SEZ6L: variants seen among roughly 807,000 people sequenced by gnomAD.
SEZ6L encodes the protein seizure 6-like protein.
SEZ6L carries 37 observed loss-of-function variants against 106.2 expected under a neutral mutation model. The ratio of observed to expected loss-of-function variants is 0.35; its 90% CI spans 0.27 to 0.46. The LOEUF is 0.46. SEZ6L is among the 20% of genes least tolerant of loss of function. SEZ6L has a pLI of 1.00. For synonymous variants in SEZ6L, 541 were observed against 570.4 expected, an observed-to-expected ratio of 0.95 and a Z score of 0.73; for missense variants, 1,172 against 1,332.8, an observed-to-expected ratio of 0.88 and a Z score of 1.88.
At position 26,329,511 on chromosome 22, in the gene SEZ6L, A is replaced by C. The variant is rs139464672; in HGVS notation, c.2016-10925A>C. 5.6e-3 allele frequency among the ~76,000 whole-genome samples: 851 copies of C among 152,334 alleles called. 4 individuals carry two copies. The highest frequency in any genetic ancestry group is 0.02 in the African/African-American group (821 of 41,568). The stretch of plus-strand genomic sequence containing the variant: ...AAACTCATCATTTTTGTGTGTTTTA[A>C]GGTGTCCTATTAGGGAGCCAAAGAT... On this transcript the variant is annotated intron_variant, in intron 9 of 16. Coordinates refer to ENST00000248933, the MANE Select transcript of SEZ6L (RefSeq NM_021115.5).
At chr22:26,288,505 A>G (rs533327460) in intron 1 of SEZ6L, among the ~76,000 whole-genome samples, 1 of 152,328 alleles carries the variant, frequency 6.6e-6, no homozygotes, top group South Asian at 2.1e-4. Context: ...AGTGACATCA[A>G]TACCCCATAT....
At chr22:26,286,350 G>T (rs1039114898) in intron 1 of SEZ6L, among the ~76,000 whole-genome samples, 8 of 152,072 alleles carry the variant, frequency 5.3e-5, no homozygotes, top group Non-Finnish European at 1.2e-4. Flanking sequence ...AAATCAGCTC[G>T]TTCTGTAAAT....
chr22:26,208,860 G>C (rs886857965), intron 1 of SEZ6L, among the ~76,000 whole-genome samples: 1,725 of 98,532 alleles, frequency 0.018, 42 homozygotes, highest in African/African-American at 0.063. Flanking sequence ...CTGTGTGTGT[G>C]TGTGTGTGTG....
intron 6 of SEZ6L, among the ~76,000 whole-genome samples, chr22:26,308,464 T>G (rs2081709042): frequency 6.6e-6 from 1 of 152,112 alleles, no homozygotes; most frequent in African/African-American, 2.4e-5. Flanking sequence ...TAAAAGTCTT[T>G]TTAGTCGAGG....
At chr22:26,224,554 G>A (rs1420692502) in intron 1 of SEZ6L, among the ~76,000 whole-genome samples, 3 of 152,184 alleles carry the variant, frequency 2.0e-5, no homozygotes, top group African/African-American at 4.8e-5. Context: ...ACTCACTCTG[G>A]CCACTAGACT....
At chr22:26,296,077 G>A (rs144454030) in intron 3 of SEZ6L, among the ~76,000 whole-genome samples, 43 of 152,316 alleles carry the variant, frequency 2.8e-4, no homozygotes, top group Non-Finnish European at 4.3e-4. Flanking sequence ...TCATAAAAGC[G>A]TAAGTCTTCA....
chr22:26,230,407 G>T (rs549151258), intron 1 of SEZ6L, among the ~76,000 whole-genome samples: 2 of 152,072 alleles, frequency 1.3e-5, no homozygotes, highest in African/African-American at 4.8e-5. Flanking sequence ...TGGTCAGGTC[G>T]CTCAGTCATT....
At chr22:26,354,406 C>A (rs904400658) in intron 12 of SEZ6L, among the ~76,000 whole-genome samples, 5 of 152,180 alleles carry the variant, frequency 3.3e-5, no homozygotes, top group Non-Finnish European at 7.3e-5. Flanking sequence ...CAACCGCCCA[C>A]AGCATTCAGA....
rs144005768 is a variant in SEZ6L at position 26,222,094 on chromosome 22, G to A, written c.94+52331G>A. Among the ~76,000 whole-genome samples, 12 of 152,260 alleles carry A rather than the reference G, an allele frequency of 7.9e-5. No individual in the cohort carries two copies. In the East Asian group the frequency reaches 1.9e-3, roughly 25 times the overall value. ...ATAATCGCCTGGGGTGGCAGTGGGT[G>A]GCTGTTTAGAAATGACGATTTCTGG... is the stretch of plus-strand genomic sequence containing the variant. On this transcript the variant is annotated intron_variant, in intron 1 of 16. Transcript: ENST00000248933.
chr22:26,350,857 C>T (rs2083253765), intron 11 of SEZ6L, among the ~76,000 whole-genome samples, 195 bp from the exon 12 acceptor site: 1 of 151,982 alleles, frequency 6.6e-6, no homozygotes, highest in Non-Finnish European at 1.5e-5. Flanking sequence ...GGGGTTTCAC[C>T]ATGTTAGCCA....
At chr22:26,294,215 C>G in intron 2 of SEZ6L, 77 bp from the exon 3 acceptor site, 1 of 1,477,036 alleles carries the variant, frequency 6.8e-7, no homozygotes, top group Non-Finnish European at 9.3e-7. Context: ...CCTAAAGCCC[C>G]CATTCCACCC....
At chr22:26,297,503 T>C (rs781561032) in intron 4 of SEZ6L, among the ~76,000 whole-genome samples, 1 of 152,194 alleles carries the variant, frequency 6.6e-6, no homozygotes, top group African/African-American at 2.4e-5. Flanking sequence ...GCCAGGAAAA[T>C]AGCACAGCTA....
At chr22:26,279,475 T>TG (rs1569440298) in intron 1 of SEZ6L, among the ~76,000 whole-genome samples, 1 of 152,204 alleles carries the variant, frequency 6.6e-6, no homozygotes, top group Non-Finnish European at 1.5e-5. Context: ...CTGCCTTTCC[T>TG]GTCTCACTGC....
chr22:26,210,195 TACCAC>T (rs2078117560), intron 1 of SEZ6L, among the ~76,000 whole-genome samples: 3 of 152,110 alleles, frequency 2.0e-5, no homozygotes, highest in Admixed American at 1.3e-4. Context: ...CCAGTGCACA[TACCAC>T]ATCTTCACAT....
intron 9 of SEZ6L, among the ~76,000 whole-genome samples, chr22:26,316,099 T>TC (rs1347879954): frequency 2.0e-5 from 3 of 152,066 alleles, no homozygotes; most frequent in Admixed American, 2.0e-4. Context: ...CTCATCCTCT[T>TC]CCCCCCATTC....
chr22:26,351,160 T>C lies in SEZ6L; in HGVS notation c.2516T>C (p.Val839Ala). The C allele has an allele frequency of 6.2e-7, 1 of 1,614,204 alleles. No homozygotes were observed. The highest frequency in any genetic ancestry group is 8.5e-7 in the Non-Finnish European group (1 of 1,180,040). ...TIQYTCNPGF[V>A]LEGSSLLTCY... Reference sequence around the variant, plus strand: ...CAATACACCTGCAACCCCGGTTTTGTGCTTGAAGGGAGTTCTCTTCTGACC... The same window carrying C: ...CAATACACCTGCAACCCCGGTTTTGCGCTTGAAGGGAGTTCTCTTCTGACC... The change falls in exon 12 of 17, where the codon GTG (valine) becomes GCG (alanine). Residue 839 changes from valine to alanine, a missense_variant. Physicochemically the swap from Val to Ala is moderately conservative, Grantham distance 64. Transcript: ENST00000248933.
chr22:26,350,716 G>A (rs1182684028), intron 11 of SEZ6L, among the ~76,000 whole-genome samples: 2 of 150,320 alleles, frequency 1.3e-5, no homozygotes, highest in African/African-American at 2.5e-5. Flanking sequence ...GAGTGCAGTG[G>A]TGCGATCTCG....
At chr22:26,209,991 G>GAGGGAGACAGGAAGGAAGGAAGGAAGGA (rs2078109222) in intron 1 of SEZ6L, among the ~76,000 whole-genome samples, 1 of 131,386 alleles carries the variant, frequency 7.6e-6, no homozygotes, top group African/African-American at 2.8e-5. Flanking sequence ...GGAAGGAAGG[G>GAGGGAGACAGGAAGGAAGGAAGGAAGGA]AGGAAGGAAG....
chr22:26,240,132 T>C (rs1488176397), intron 1 of SEZ6L, among the ~76,000 whole-genome samples: 2 of 151,000 alleles, frequency 1.3e-5, no homozygotes, highest in Non-Finnish European at 3.0e-5. Flanking sequence ...CATTGCATCT[T>C]GCCTTGGGCT....
Sources: gnomAD v4.1 joint callset for allele counts (sites outside exome capture counted in the v4.1 genomes callset) on GRCh38, gnomAD v4.1.1 for gene constraint, MANE v1.5 for transcripts, NCBI Gene and HGNC (gene_info 2026-07-23, HGNC 2026-07-21) for gene names.